The following BAIAP3 variants were observed in gnomAD, a reference collection of about 807,000 sequenced individuals.
BAIAP3 encodes the protein BAI1 associated protein 3, also known as BAI1-associated protein 3.
In BAIAP3, 180 loss-of-function variants were observed where a neutral mutation model predicts 149.7. That is an observed-to-expected ratio of 1.20 (90% confidence interval 1.07 to 1.36). The LOEUF is 1.36. Ranked by LOEUF, BAIAP3 falls within the 40% of genes most tolerant of loss-of-function variation. The pLI, the probability that BAIAP3 is intolerant of heterozygous loss-of-function variation, is 0.00. For synonymous variants in BAIAP3, 845 were observed against 670.7 expected, an observed-to-expected ratio of 1.26 and a Z score of -4.02; for missense variants, 1,767 against 1,563.4, an observed-to-expected ratio of 1.13 and a Z score of -2.20.
intron 28 of BAIAP3, 157 bp from the exon 29 acceptor site, chr16:1,347,141 C>T: frequency 1.1e-5 from 10 of 921,936 alleles, no homozygotes. Context: ...CCCCACGCTT[C>T]CTGGGAGCTT....
In BAIAP3 at chr16:1,338,986, C is replaced by A. The variant is rs373387941; in HGVS notation, c.216C>A (p.Leu72=). ...KGEGRQGLPC[L]EVPLRSGSPA... is the part of the protein sequence containing the mutation. ...AAGGCAGACAGGGCTTGCCGTGCCTCGAGGTAAGGGTGCCACCCCCAGGGC... is the reference window on the plus strand; with the variant it reads ...AAGGCAGACAGGGCTTGCCGTGCCTAGAGGTAAGGGTGCCACCCCCAGGGC... The change falls in exon 3 of 34, where the codon CTC becomes CTA. Residue 72 remains leucine (L), a synonymous_variant. Transcript: ENST00000426824. 8.1e-6 allele frequency: 13 copies of A among 1,612,686 alleles called. No homozygotes were observed. The South Asian group carries it at 1.4e-4, about 18-fold the overall frequency.
At position 1,346,616 on chromosome 16, in the gene BAIAP3, G is replaced by A. The variant is rs747417002; in HGVS notation, c.2574G>A (p.Pro858=). 1.1e-5 allele frequency: 17 copies of A among 1,523,532 alleles called. No individual in the cohort carries two copies. Among genetic ancestry groups the A allele is most frequent in the Admixed American group, 4.0e-5 (2 of 50,164 alleles). The allele number at this position is 1,523,532 out of a possible 1,614,324, so 94.4% of individuals were successfully genotyped here. Residue 858 remains proline, a synonymous_variant, in exon 27 of 34, where the codon CCG becomes CCA. Coordinates refer to ENST00000426824, the MANE Select transcript of BAIAP3 (RefSeq NM_001199097.2). ...ACCCCTGCCCGCAGGCCGTGGCCCC[G>A]CTCATGAAGTACCTGGATGAGAAGC... ...DSIQNDEAVA[P]LMKYLDEKLA... is the part of the protein sequence containing the mutation.
chr16:1,341,103 G>A (rs1567162256), intron 6 of BAIAP3, 26 bp from the exon 7 acceptor site: 8 of 1,610,620 alleles, frequency 5.0e-6, no homozygotes, highest in South Asian at 1.1e-5. Flanking sequence ...AGCCTCACCA[G>A]GCCCCCCACG....
rs940622180 is a variant in BAIAP3 at position 1,339,490 on chromosome 16, C to T, written c.301-6C>T. 6 of 1,605,148 alleles carry T rather than the reference C, an allele frequency of 3.7e-6. No individual in the cohort carries two copies. Among genetic ancestry groups the T allele is most frequent in the Admixed American group, 3.4e-5 (2 of 59,590 alleles). On this transcript the variant is annotated splice_polypyrimidine_tract_variant and splice_region_variant and intron_variant, in intron 4 of 33. Transcript: ENST00000426824. Reference sequence around the variant, plus strand: ...GGCACTGTGGCCGCCCTTCCCCCACCTGCAGGTGGAGATGCTCTACGAGGA... The same window carrying T: ...GGCACTGTGGCCGCCCTTCCCCCACTTGCAGGTGGAGATGCTCTACGAGGA...
rs1320635620 is a variant in BAIAP3, at chr16:1,347,922, G to C, written c.3054G>C (p.Glu1018Asp). The stretch of plus-strand genomic sequence containing the variant: ...TAAGTGACCCCTTTGTGATCGTGGA[G>C]CTGGGCCCACCGCATCTCTTTCCAC... The part of the protein sequence containing the change: ...NGLSDPFVIV[E>D]LGPPHLFPLV... Residue 1018 changes from glutamate (E) to aspartate (D), a missense_variant, in exon 32 of 34, where the codon GAG (glutamate) becomes GAC (aspartate). Transcript: ENST00000426824. The C allele has an allele frequency of 6.2e-7, 1 of 1,612,084 alleles. No homozygotes were observed. Among genetic ancestry groups the C allele is most frequent in the African/African-American group, 1.3e-5 (1 of 75,028 alleles).
chr16:1,338,090 G>C (rs1044337245), intron 1 of BAIAP3, among the ~76,000 whole-genome samples: 1 of 152,174 alleles, frequency 6.6e-6, no homozygotes, highest in African/African-American at 2.4e-5. Context: ...TGGCCCCAGA[G>C]TCGGCACGGG....
intron 2 of BAIAP3, 85 bp from the exon 3 acceptor site, chr16:1,338,817 A>G: frequency 6.3e-7 from 1 of 1,592,280 alleles, no homozygotes; most frequent in Non-Finnish European, 8.6e-7. Flanking sequence ...TGGATGTCAC[A>G]TGGCCCTTCC....
Position 1,342,031 on chromosome 16 carries a change from G to A in BAIAP3, c.822G>A (p.Leu274=). ...CCCTGGTAGAAGCGTGCAGGAAGCTGAATGAAGTCATCGGCCTGAAGGGCA... is the reference window on the plus strand; with the variant it reads ...CCCTGGTAGAAGCGTGCAGGAAGCTAAATGAAGTCATCGGCCTGAAGGGCA... ...DVSLVEACRK[L]NEVIGLKGMG... Residue 274 remains leucine (L), a synonymous_variant, in exon 10 of 34, where the codon CTG becomes CTA. Transcript: ENST00000426824. 6.2e-7 allele frequency: 1 copy of A among 1,607,524 alleles called. No individual in the cohort carries two copies.
intron 1 of BAIAP3, among the ~76,000 whole-genome samples, chr16:1,337,269 A>T (rs906569766): frequency 4.6e-5 from 7 of 152,130 alleles, no homozygotes; most frequent in African/African-American, 1.7e-4. Flanking sequence ...TAATCCCAGC[A>T]CTTTGGGAGG....
Position 1,344,673 on chromosome 16 carries a change from A to G in BAIAP3, c.1732A>G (p.Ser578Gly), listed in dbSNP as rs757646347. The change falls in exon 19 of 34, where the codon AGT becomes GGT. Residue 578 changes from serine to glycine, a missense_variant. Ser to Gly is a moderately conservative substitution (Grantham distance 56). Coordinates refer to ENST00000426824, the MANE Select transcript of BAIAP3 (RefSeq NM_001199097.2). ...AVYDDLQFCY[S>G]VYASLFHSIL... ...CTATGATGACCTTCAGTTCTGCTAC[A>G]GTGTGTACGCCAGCCTCTTCCACAG... 1.2e-6 allele frequency: 2 copies of G among 1,613,358 alleles called. No homozygotes were observed. The highest frequency in any genetic ancestry group is 2.2e-5 in the East Asian group (1 of 44,886).
At chr16:1,338,487 C>G in intron 1 of BAIAP3, 53 bp from the exon 2 acceptor site, 2 of 437,850 alleles carry the variant, frequency 4.6e-6, no homozygotes, top group Non-Finnish European at 8.6e-6. Flanking sequence ...TGCTGTGGTG[C>G]ACGGAGGGTT....
intron 10 of BAIAP3, 44 bp downstream of exon 10, chr16:1,342,107 C>T (rs756886068): frequency 1.9e-6 from 3 of 1,571,622 alleles, no homozygotes; most frequent in Non-Finnish European, 2.6e-6. Context: ...GTGCCCTCAG[C>T]TTGGTCATGG....
At chr16:1,336,361 G>A (rs1340215092) in intron 1 of BAIAP3, 1 of 985,278 alleles carries the variant, frequency 1.0e-6, no homozygotes, top group East Asian at 1.1e-4. Context: ...CTTTTGGGGG[G>A]GAGGCTCACA....
chr16:1,342,763 C>G lies in BAIAP3; in HGVS notation c.1110C>G (p.Ser370=), dbSNP rs2034012360. Residue 370 remains serine, a synonymous_variant, in exon 13 of 34, where the codon TCC becomes TCG. Coordinates refer to ENST00000426824, the MANE Select transcript of BAIAP3 (RefSeq NM_001199097.2). ...MSQRGRSGFL[S]HLLLLSHLLR... ...AGCGCGGGCGATCCGGCTTCCTGTC[C>G]CACCTGCTGCTGCTCAGCCATCTGC... The G allele has an allele frequency of 6.2e-7, 1 of 1,612,470 alleles. No individual in the cohort carries two copies. Among genetic ancestry groups the G allele is most frequent in the African/African-American group, 1.3e-5 (1 of 74,932 alleles).
chr16:1,346,409 C>A (rs757899127), intron 25 of BAIAP3, 33 bp from the exon 26 acceptor site: 2 of 1,611,930 alleles, frequency 1.2e-6, no homozygotes, highest in Admixed American at 1.7e-5. Flanking sequence ...CCTGGTGCCC[C>A]CTGCCCGTGC....
chr16:1,347,049 T>C, intron 28 of BAIAP3, 94 bp downstream of exon 28: 1 of 1,239,918 alleles, frequency 8.1e-7, no homozygotes, highest in Non-Finnish European at 1.1e-6. Flanking sequence ...TGGTCTCCTG[T>C]GGCTGGAGAG....
Position 1,345,049 on chromosome 16 carries a change from C to G in BAIAP3, c.1890C>G (p.Leu630=). The G allele has an allele frequency of 6.2e-7, 1 of 1,612,492 alleles. No homozygotes were observed. Among genetic ancestry groups the G allele is most frequent in the South Asian group, 1.1e-5 (1 of 91,034 alleles). ...TLEVASGLFE[L]YLTLADLQRF... The stretch of plus-strand genomic sequence containing the variant: ...AGGTGGCCTCGGGGCTCTTTGAGCT[C>G]TACCTGACCCTGGCTGACCTCCAGC... Residue 630 remains leucine, a synonymous_variant, in exon 21 of 34, where the codon CTC becomes CTG. Transcript: ENST00000426824.
intron 1 of BAIAP3, chr16:1,334,355 A>G (rs1472840201): frequency 4.7e-6 from 2 of 429,034 alleles, no homozygotes; most frequent in Admixed American, 3.6e-5. Context: ...CCCCAGACTC[A>G]CCCCGGACCG....
Position 1,339,522 on chromosome 16 carries a change from G to T in BAIAP3, c.327G>T (p.Leu109=). 6.2e-7 allele frequency: 1 copy of T among 1,612,324 alleles called. No homozygotes were observed. The change falls in exon 5 of 34, where the codon CTG becomes CTT. Residue 109 remains leucine, a synonymous_variant. Transcript: ENST00000426824. ...TGGAGATGCTCTACGAGGAGGCCCT[G>T]TACACGGTGCTTTACCGCGCGGGTA... ...EEVEMLYEEA[L]YTVLYRAGTM... is the part of the protein sequence containing the mutation.
Sources: gnomAD v4.1 joint callset for allele counts (sites outside exome capture counted in the v4.1 genomes callset) on GRCh38, gnomAD v4.1.1 for gene constraint, MANE v1.5 for transcripts, NCBI Gene and HGNC (gene_info 2026-07-23, HGNC 2026-07-21) for gene names.